The following RAD18 variants were observed in gnomAD, a reference collection of about 807,000 sequenced individuals.
RAD18 encodes RAD18 E3 ubiquitin protein ligase.
Under a neutral mutation model 60.4 loss-of-function variants are expected in RAD18, and 47 were observed. The ratio of observed to expected loss-of-function variants is 0.78; its 90% CI spans 0.62 to 0.99. The LOEUF (loss-of-function observed/expected upper bound fraction) is 0.99. RAD18 is among the 50% of genes least tolerant of loss of function. The pLI is 0.00. For missense variants in RAD18, 640 were observed against 593.3 expected, an observed-to-expected ratio of 1.08 and a Z score of -0.82; for synonymous variants, 225 against 195.5, an observed-to-expected ratio of 1.15 and a Z score of -1.26.
rs755192465 is a variant in RAD18, at chr3:8,902,504, ACT to A, written c.1042_1043del (p.Ser348Ter). On this transcript the variant is annotated frameshift_variant, in exon 10 of 13. Coordinates refer to ENST00000264926, the MANE Select transcript of RAD18 (RefSeq NM_020165.4). LOFTEE classifies it high-confidence loss of function. ...CCTGATCCACCAGAAGCTGAAATTC[ACT>A]CTTATGTTTTTTACCTGAAATTCAA... ...IHSKYRKKHK[S>X]EFQLLVDQAR... is the part of the protein sequence containing the mutation. The A allele has an allele frequency of 6.2e-7, 1 of 1,602,990 alleles. No individual in the cohort carries two copies. The highest frequency in any genetic ancestry group is 1.1e-5 in the South Asian group (1 of 88,620).
intron 12 of RAD18, among the ~76,000 whole-genome samples, chr3:8,886,408 C>G (rs1338448776): frequency 1.3e-5 from 2 of 152,186 alleles, no homozygotes; most frequent in Admixed American, 1.3e-4. Context: ...TCTCTTCAGT[C>G]AGCTGATGGC....
At chr3:8,894,462 C>A (rs541854864) in intron 11 of RAD18, among the ~76,000 whole-genome samples, 66 of 152,064 alleles carry the variant, frequency 4.3e-4, no homozygotes, top group African/African-American at 1.6e-3. Flanking sequence ...GTTAGAGGGA[C>A]AAACAAACAA....
At chr3:8,941,072 G>A (rs1334780453) in intron 5 of RAD18, among the ~76,000 whole-genome samples, 1 of 152,198 alleles carries the variant, frequency 6.6e-6, no homozygotes, top group Non-Finnish European at 1.5e-5. Flanking sequence ...ACTAGGTTAG[G>A]CCTCAAATTG....
At chr3:8,882,983 G>A (rs896067433) in intron 12 of RAD18, among the ~76,000 whole-genome samples, 3 of 152,140 alleles carry the variant, frequency 2.0e-5, no homozygotes, top group Non-Finnish European at 2.9e-5. Flanking sequence ...AACCCATTTC[G>A]AGATGGAAAT....
intron 8 of RAD18, among the ~76,000 whole-genome samples, chr3:8,913,265 T>C (rs1426716173): frequency 2.0e-5 from 3 of 152,194 alleles, no homozygotes; most frequent in Non-Finnish European, 4.4e-5. Flanking sequence ...TCCATAAGTA[T>C]AATCATAGAA....
chr3:8,912,775 C>A (rs1211899680), intron 8 of RAD18, among the ~76,000 whole-genome samples: 1 of 152,058 alleles, frequency 6.6e-6, no homozygotes, highest in Non-Finnish European at 1.5e-5. Context: ...TTCTCCAGGT[C>A]ATTATAGAAA....
intron 7 of RAD18, among the ~76,000 whole-genome samples, chr3:8,931,852 T>C (rs555567173): frequency 2.2e-4 from 33 of 152,352 alleles, no homozygotes; most frequent in African/African-American, 6.7e-4. Context: ...GCTATATACA[T>C]GGCCGTTAGG....
intron 7 of RAD18, among the ~76,000 whole-genome samples, chr3:8,925,036 CAG>C (rs1369708353): frequency 6.6e-6 from 1 of 151,648 alleles, no homozygotes; most frequent in Non-Finnish European, 1.5e-5. Flanking sequence ...CAAAAGCTAG[CAG>C]AAGGCAAGAA....
intron 12 of RAD18, among the ~76,000 whole-genome samples, chr3:8,882,525 A>G (rs775685356): frequency 5.9e-5 from 9 of 152,202 alleles, no homozygotes; most frequent in Non-Finnish European, 7.3e-5. Context: ...CCTAAGACTC[A>G]GGCTAGACTG....
intron 11 of RAD18, among the ~76,000 whole-genome samples, chr3:8,894,291 T>A (rs1652748052): frequency 6.6e-6 from 1 of 152,116 alleles, no homozygotes; most frequent in South Asian, 2.1e-4. Context: ...TAAAGAAAGA[T>A]AAAATGAAGA....
At chr3:8,962,679 G>A (rs1275660636) in intron 1 of RAD18, among the ~76,000 whole-genome samples, 1 of 152,204 alleles carries the variant, frequency 6.6e-6, no homozygotes, top group East Asian at 1.9e-4. Flanking sequence ...AATGGAAACT[G>A]GTATGCCTTG....
At chr3:8,907,797 G>A (rs953287944) in intron 9 of RAD18, among the ~76,000 whole-genome samples, 1 of 151,964 alleles carries the variant, frequency 6.6e-6, no homozygotes, top group Non-Finnish European at 1.5e-5. Context: ...CTATCGGTTT[G>A]TGCAACCTCA....
intron 8 of RAD18, among the ~76,000 whole-genome samples, chr3:8,913,036 GAA>G (rs34152590): frequency 2.0e-5 from 3 of 150,142 alleles, no homozygotes; most frequent in African/African-American, 4.9e-5. Context: ...AAATGGCCTA[GAA>G]AAAAAAAAAG....
intron 7 of RAD18, among the ~76,000 whole-genome samples, chr3:8,925,487 G>A (rs956492728): frequency 2.6e-5 from 4 of 152,288 alleles, no homozygotes; most frequent in Admixed American, 2.6e-4. Flanking sequence ...GAGGTACAAG[G>A]AGGAGCTGGT....
intron 7 of RAD18, among the ~76,000 whole-genome samples, chr3:8,921,278 T>A (rs957843335): frequency 7.9e-5 from 12 of 152,224 alleles, no homozygotes; most frequent in African/African-American, 2.9e-4. Flanking sequence ...AAAAAGTTTT[T>A]TAAAAGAATG....
chr3:8,892,452 C>T (rs1939708118), intron 11 of RAD18, among the ~76,000 whole-genome samples: 1 of 152,102 alleles, frequency 6.6e-6, no homozygotes, highest in South Asian at 2.1e-4. Flanking sequence ...GATGGAATTC[C>T]CAACCTTGGT....
Position 8,941,465 on chromosome 3 carries a change from A to G in RAD18, c.604+2T>C. On this transcript the variant is annotated splice_donor_variant, in intron 5 of 12. Transcript: ENST00000264926. LOFTEE classifies it high-confidence loss of function. ...TTTCCACATATGAAAATAACTTCCTACCTTTAGTAACTTGTTTCAAAGTGG... is the reference window on the plus strand; with the variant it reads ...TTTCCACATATGAAAATAACTTCCTGCCTTTAGTAACTTGTTTCAAAGTGG... 2 of 1,585,102 alleles carry G rather than the reference A, an allele frequency of 1.3e-6. No individual in the cohort carries two copies. The highest frequency in any genetic ancestry group is 1.7e-6 in the Non-Finnish European group (2 of 1,158,814).
At chr3:8,882,687 G>A (rs550154403) in intron 12 of RAD18, among the ~76,000 whole-genome samples, 1 of 152,284 alleles carries the variant, frequency 6.6e-6, no homozygotes, top group African/African-American at 2.4e-5. Flanking sequence ...GAAAATGGGA[G>A]CAAAATCAAT....
At chr3:8,933,981 G>A (rs1468463397) in intron 7 of RAD18, among the ~76,000 whole-genome samples, 1 of 152,148 alleles carries the variant, frequency 6.6e-6, no homozygotes, top group Non-Finnish European at 1.5e-5. Flanking sequence ...ACAATGTCCA[G>A]GCCTACACAT....
Sources: allele counts gnomAD v4.1 joint callset (sites outside exome capture counted in the v4.1 genomes callset), GRCh38; gene constraint gnomAD v4.1.1; transcripts MANE v1.5; gene names NCBI Gene and HGNC (gene_info 2026-07-23, HGNC 2026-07-21).